Variants in PTPRS observed in about 807,000 individuals in gnomAD.
PTPRS encodes protein tyrosine phosphatase receptor type S, also known as receptor-type tyrosine-protein phosphatase S.
A neutral mutation model predicts 215.3 loss-of-function variants in PTPRS; 63 were observed. The ratio of observed to expected loss-of-function variants is 0.29; its 90% confidence interval spans 0.24 to 0.36. PTPRS has a LOEUF of 0.36. Ranked by LOEUF, PTPRS falls within the 10% of genes least tolerant of loss-of-function variation. The pLI is 1.00. For synonymous variants in PTPRS, 1,404 were observed against 1,191.4 expected (o/e 1.18, Z -3.68); for missense variants, 2,258 against 2,825.8 (o/e 0.80, Z 4.56).
chr19:5,305,763 A>ATTTT (rs1336026523), intron 1 of PTPRS, among the ~76,000 whole-genome samples: 4 of 113,694 alleles, frequency 3.5e-5, no homozygotes, highest in African/African-American at 1.7e-4. Flanking sequence ...ATATATATAT[A>ATTTT]TATTTTTTTT....
intron 1 of PTPRS, among the ~76,000 whole-genome samples, chr19:5,297,657 A>G (rs542754369): frequency 6.6e-6 from 1 of 152,284 alleles, no homozygotes; most frequent in East Asian, 1.9e-4. Context: ...AAGTGGTGAT[A>G]ATTGCATTTA....
chr19:5,256,025 A>G (rs953686380), intron 9 of PTPRS, 83 bp downstream of exon 9: 1 of 1,239,896 alleles, frequency 8.1e-7, no homozygotes, highest in Non-Finnish European at 1.1e-6. Context: ...TGTGGTGTCT[A>G]CATGTGTTTT....
chr19:5,281,435 T>C (rs574877674), intron 2 of PTPRS, among the ~76,000 whole-genome samples: 4 of 152,084 alleles, frequency 2.6e-5, no homozygotes, highest in Non-Finnish European at 5.9e-5. Context: ...CACTCCAGCC[T>C]GGGGGACAGG....
chr19:5,235,565 T>C (rs931673510), intron 13 of PTPRS, among the ~76,000 whole-genome samples: 1 of 152,226 alleles, frequency 6.6e-6, no homozygotes, highest in African/African-American at 2.4e-5. Context: ...TATTGAGCAC[T>C]TACTGTATGT....
chr19:5,334,886 A>C (rs1022188485), intron 1 of PTPRS, among the ~76,000 whole-genome samples: 2 of 152,166 alleles, frequency 1.3e-5, no homozygotes, highest in Non-Finnish European at 2.9e-5. Flanking sequence ...GGAGACAAGG[A>C]TGCTACTGAC....
In PTPRS at chr19:5,223,022, G is replaced by C. The variant is rs1211174007; in HGVS notation, c.2770C>G (p.Pro924Ala). ...GEEAAEVLSI[P>A]EDTPRGHPQI... is the part of the protein sequence containing the mutation. ...GGGTGGCCACGGGGCGTGTCCTCCGGGATGCTCAGGACCTCGGCTGCCTCC... is the reference window on the plus strand; with the variant it reads ...GGGTGGCCACGGGGCGTGTCCTCCGCGATGCTCAGGACCTCGGCTGCCTCC... Residue 924 changes from proline (P) to alanine (A), a missense_variant, in exon 18 of 38, where the codon CCG becomes GCG. Physicochemically the swap from Pro to Ala is conservative, Grantham distance 27. Around this residue, in one of 6 missense-constraint regions of PTPRS, gnomAD observed 361 missense variants for 332.6 expected, o/e 1.09. Transcript: ENST00000262963. 6.5e-6 allele frequency: 10 copies of C among 1,545,414 alleles called. No homozygotes were observed. Among genetic ancestry groups the C allele is most frequent in the Middle Eastern group, 1.7e-4 (1 of 5,962 alleles).
rs750322965 is a variant in PTPRS at position 5,221,239 on chromosome 19, C to G, written c.3216G>C (p.Gly1072=). Residue 1072 remains glycine, a synonymous_variant, in exon 20 of 38, where the codon GGG becomes GGC. Transcript: ENST00000262963. ...SPTPYKIQYN[G]LTLDVDGRTT... ...TACGGCCATCCACATCCAGTGTGAG[C>G]CCATTGTACTGGATCTGCGGACCAG... 6.2e-7 allele frequency: 1 copy of G among 1,613,128 alleles called. No individual in the cohort carries two copies. The highest frequency in any genetic ancestry group is 8.5e-7 in the Non-Finnish European group (1 of 1,179,498).
chr19:5,259,567 G>T (rs557496267), intron 7 of PTPRS, among the ~76,000 whole-genome samples: 27 of 152,264 alleles, frequency 1.8e-4, no homozygotes, highest in African/African-American at 5.3e-4. Context: ...GTAATCACAG[G>T]CCTGGATCAA....
intron 1 of PTPRS, among the ~76,000 whole-genome samples, chr19:5,299,472 C>T (rs1382066948): frequency 6.6e-6 from 1 of 152,230 alleles, no homozygotes; most frequent in Non-Finnish European, 1.5e-5. Context: ...AATGCCCTGG[C>T]TGACCACCTG....
chr19:5,219,755 C>G (rs2041812197), intron 22 of PTPRS, among the ~76,000 whole-genome samples, 184 bp downstream of exon 22: 1 of 152,202 alleles, frequency 6.6e-6, no homozygotes, highest in Admixed American at 6.5e-5. Flanking sequence ...CGCCCCAGCT[C>G]CAAGGTCTCT....
chr19:5,273,521 C>G lies in PTPRS; in HGVS notation c.300G>C (p.Arg100=), dbSNP rs2047097212. Residue 100 remains arginine, a synonymous_variant, in exon 4 of 38, where the codon CGG becomes CGC. Transcript: ENST00000262963. The part of the protein sequence containing the change: ...VLRIQPLRTP[R]DENVYECVAQ... ...CCACACACTCGTACACGTTTTCATC[C>G]CGCGGTGTCCTCAGCGGCTGGATCC... is the stretch of plus-strand genomic sequence containing the variant. 2.5e-6 allele frequency: 4 copies of G among 1,614,062 alleles called. No homozygotes were observed. The Admixed American group carries it at 6.7e-5, about 27-fold the overall frequency.
intron 2 of PTPRS, among the ~76,000 whole-genome samples, chr19:5,281,012 G>C (rs1056624207): frequency 6.6e-6 from 1 of 151,552 alleles, no homozygotes; most frequent in Non-Finnish European, 1.5e-5. Context: ...GGCTGGTCGC[G>C]AACTCCTGAC....
At position 5,338,886 on chromosome 19, in the gene PTPRS, G is replaced by C. The variant is rs1234938286; in HGVS notation, c.-95+1778C>G. ...GAAGAAGGGCGCCCCAGACAAAGAGGCGCCGTCACCCTCTGCACCCCAAGG... is the reference window on the plus strand; with the variant it reads ...GAAGAAGGGCGCCCCAGACAAAGAGCCGCCGTCACCCTCTGCACCCCAAGG... On this transcript the variant is annotated intron_variant, in intron 1 of 37. Transcript: ENST00000262963. This position sits in a 1 kb window ranked among gnomAD's most constrained non-coding sequence, Gnocchi z 4.2. 1.3e-5 allele frequency among the ~76,000 whole-genome samples: 2 copies of C among 152,178 alleles called. No homozygotes were observed. Among genetic ancestry groups the C allele is most frequent in the African/African-American group, 4.8e-5 (2 of 41,432 alleles).
At chr19:5,220,388 C>A in intron 20 of PTPRS, 35 bp from the exon 21 acceptor site, 1 of 1,557,518 alleles carries the variant, frequency 6.4e-7, no homozygotes, top group East Asian at 2.3e-5. Context: ...GAGGGGCTGT[C>A]GATAGGGATG....
intron 14 of PTPRS, among the ~76,000 whole-genome samples, chr19:5,230,577 C>T (rs1051240221): frequency 2.0e-5 from 3 of 152,192 alleles, no homozygotes; most frequent in East Asian, 3.8e-4. Context: ...CGCACCTCAG[C>T]GTCTTGAGTA....
In PTPRS at chr19:5,238,971, C is replaced by A. The variant is rs200933180; in HGVS notation, c.1797G>T (p.Pro599=). 1.9e-6 allele frequency: 3 copies of A among 1,612,386 alleles called. No homozygotes were observed. Among genetic ancestry groups the A allele is most frequent in the Middle Eastern group, 1.6e-4 (1 of 6,076 alleles). Residue 599 remains proline (P), a synonymous_variant, in exon 13 of 38, where the codon CCG becomes CCT. Coordinates refer to ENST00000262963, the MANE Select transcript of PTPRS (RefSeq NM_002850.4). ...CGGGGGTGAAGGCGCCCAGGCCCTG[C>A]GGCGAGCGGGCCGCCAGGCGGAAGG... ...EYAFRLAARS[P]QGLGAFTPVV... is the part of the protein sequence containing the mutation.
intron 1 of PTPRS, among the ~76,000 whole-genome samples, chr19:5,315,077 C>G (rs1020057681): frequency 2.0e-5 from 3 of 152,168 alleles, no homozygotes; most frequent in African/African-American, 7.2e-5. Context: ...TTTGCCCATG[C>G]TGTTCCATCT....
chr19:5,206,416 G>A lies in PTPRS; in HGVS notation c.*358C>T, dbSNP rs999837080. The A allele has an allele frequency of 1.5e-5, 4 of 273,002 alleles. No individual in the cohort carries two copies. The highest frequency in any genetic ancestry group is 2.8e-5 in the Non-Finnish European group (4 of 143,966). 16.9% of individuals were successfully genotyped at this position (273,002 alleles called of 1,614,324 possible). Reference sequence around the variant, plus strand: ...CCGGGTCCCCCTACCACCGCTGGGGGAGGACGAGGGGTCCGTCTATGGTCT... The same window carrying A: ...CCGGGTCCCCCTACCACCGCTGGGGAAGGACGAGGGGTCCGTCTATGGTCT... On this transcript the variant is annotated 3_prime_UTR_variant, in exon 38 of 38. Coordinates refer to ENST00000262963, the MANE Select transcript of PTPRS (RefSeq NM_002850.4).
Position 5,206,584 on chromosome 19 carries a change from T to A in PTPRS, c.*190A>T, listed in dbSNP as rs2040381261. The A allele has an allele frequency of 2.1e-6, 1 of 474,196 alleles. No individual in the cohort carries two copies. Among genetic ancestry groups the A allele is most frequent in the East Asian group, 3.7e-5 (1 of 27,050 alleles). The allele number at this position is 474,196 out of a possible 1,614,324, so 29.4% of individuals were successfully genotyped here. A position where few individuals can be genotyped will look rare whatever the true frequency, so the allele number is the denominator to read the frequency against. On this transcript the variant is annotated 3_prime_UTR_variant, in exon 38 of 38. Coordinates refer to ENST00000262963, the MANE Select transcript of PTPRS (RefSeq NM_002850.4). ...AAGGCGGCGGCCGGTGCCAGGGAGG[T>A]CGCTGGGGCGGCCGGGGCCGGTGGG...
Sources: allele counts gnomAD v4.1 joint callset (sites outside exome capture counted in the v4.1 genomes callset), GRCh38; gene constraint gnomAD v4.1.1; regional missense constraint gnomAD v4.1.1; non-coding constraint Gnocchi (gnomAD v3.1); transcripts MANE v1.5; gene names NCBI Gene and HGNC (gene_info 2026-07-23, HGNC 2026-07-21).